The following PDE4B variants were observed in gnomAD, a reference collection of about 807,000 sequenced individuals.
PDE4B encodes the protein phosphodiesterase 4B, also known as 3',5'-cyclic-AMP phosphodiesterase 4B.
In PDE4B, 20 loss-of-function variants were observed where a neutral mutation model predicts 82.2. That is an observed-to-expected ratio of 0.24 (90% CI 0.17 to 0.35). PDE4B has a LOEUF of 0.35. PDE4B is among the 10% of genes least tolerant of loss of function. The probability of loss-of-function intolerance (pLI) is 1.00; values close to 1 mark genes in which losing one functional copy is unlikely to be tolerated. For synonymous variants in PDE4B, 320 were observed against 318.9 expected (o/e 1.00, Z -0.04); for missense variants, 655 against 907.2 (o/e 0.72, Z 3.57).
intron 3 of PDE4B, among the ~76,000 whole-genome samples, chr1:66,105,404 G>A (rs1356745126): frequency 6.6e-6 from 1 of 151,942 alleles, no homozygotes; most frequent in Non-Finnish European, 1.5e-5. Flanking sequence ...TTTGGCTTAG[G>A]ATTGACTTGG....
chr1:66,046,364 C>G (rs1055539302), intron 3 of PDE4B: 1 of 151,682 alleles, frequency 6.6e-6, no homozygotes, highest in African/African-American at 2.4e-5. Flanking sequence ...AATAAAATGA[C>G]AAGCCACAAA....
intron 3 of PDE4B, among the ~76,000 whole-genome samples, chr1:66,075,872 C>T (rs191169098): frequency 6.0e-5 from 9 of 150,938 alleles, no homozygotes; most frequent in East Asian, 1.9e-4. Context: ...TTTTTAATGC[C>T]GGCAACTCAT....
chr1:65,813,093 G>A (rs1047353280), intron 1 of PDE4B, among the ~76,000 whole-genome samples: 2 of 152,184 alleles, frequency 1.3e-5, no homozygotes, highest in South Asian at 4.1e-4. Context: ...AGGGAGTTCA[G>A]GAATGAGGTA....
At chr1:65,965,672 A>G (rs1649780460) in intron 3 of PDE4B, among the ~76,000 whole-genome samples, 1 of 152,142 alleles carries the variant, frequency 6.6e-6, no homozygotes, top group South Asian at 2.1e-4. Context: ...GTAAAACAAA[A>G]ATTACATTTT....
chr1:65,899,668 T>TTA (rs888862644), intron 1 of PDE4B, among the ~76,000 whole-genome samples: 27 of 147,488 alleles, frequency 1.8e-4, no homozygotes, highest in East Asian at 3.9e-4. Flanking sequence ...ATATTCCATT[T>TTA]TATATATATA....
In PDE4B at chr1:66,124,603, C is replaced by CT. The variant is rs1363170487; in HGVS notation, c.282-122854dup. Among the ~76,000 whole-genome samples, 4 of 152,276 alleles carry CT rather than the reference C, an allele frequency of 2.6e-5. No homozygotes were observed. The East Asian group carries it at 7.7e-4, about 29-fold the overall frequency. ...GACTTTTTAATGGCTGAACTAGACT[C>CT]TTTCAATATATCATCCCCCATATTT... On this transcript the variant is annotated intron_variant, in intron 3 of 16. Coordinates refer to ENST00000341517, the MANE Select transcript of PDE4B (RefSeq NM_002600.4).
chr1:66,068,779 G>A (rs573907806), intron 3 of PDE4B, among the ~76,000 whole-genome samples: 73 of 152,000 alleles, frequency 4.8e-4, no homozygotes, highest in African/African-American at 1.8e-3. Context: ...TCATGGAAAA[G>A]GAAGATCCAA....
intron 7 of PDE4B, among the ~76,000 whole-genome samples, chr1:66,270,386 C>T (rs1049485539): frequency 3.9e-5 from 6 of 152,152 alleles, no homozygotes; most frequent in Admixed American, 2.6e-4. Context: ...ACTATCCCTC[C>T]GGAGGTTCAT....
intron 1 of PDE4B, among the ~76,000 whole-genome samples, chr1:65,837,932 C>G (rs901862588): frequency 6.6e-6 from 1 of 152,132 alleles, no homozygotes; most frequent in African/African-American, 2.4e-5. Flanking sequence ...TTGTTCCCCT[C>G]TATGTGTCCC....
Position 66,328,909 on chromosome 1 carries a change from G to A in PDE4B, c.635-3599G>A, listed in dbSNP as rs1377294953. ...GAACCTCTTGTCCACCCCTGTTTCA[G>A]GTACCCAGCATGTCCCTGCTAAGAG... On this transcript the variant is annotated intron_variant, in intron 7 of 16. Transcript: ENST00000341517. 2.6e-5 allele frequency among the ~76,000 whole-genome samples: 4 copies of A among 152,322 alleles called. No homozygotes were observed. The East Asian group carries it at 7.7e-4, about 29-fold the overall frequency.
intron 1 of PDE4B, among the ~76,000 whole-genome samples, chr1:65,911,539 C>T (rs1158559549): frequency 6.6e-6 from 1 of 151,430 alleles, no homozygotes; most frequent in Non-Finnish European, 1.5e-5. Context: ...TCAGGTTTAA[C>T]CCTAACTATA....
chr1:65,808,729 T>C (rs1364793359), intron 1 of PDE4B, among the ~76,000 whole-genome samples: 1 of 152,182 alleles, frequency 6.6e-6, no homozygotes, highest in Non-Finnish European at 1.5e-5. Flanking sequence ...TTTAATAGCA[T>C]TGGAAAGCAT....
At chr1:66,138,387 C>T (rs897550814) in intron 3 of PDE4B, among the ~76,000 whole-genome samples, 5 of 152,004 alleles carry the variant, frequency 3.3e-5, no homozygotes, top group Non-Finnish European at 4.4e-5. Flanking sequence ...GGCATGGTGG[C>T]GGGCACCTGT....
At chr1:66,183,379 G>C (rs1006468627) in intron 3 of PDE4B, among the ~76,000 whole-genome samples, 8 of 152,152 alleles carry the variant, frequency 5.3e-5, no homozygotes, top group Admixed American at 5.2e-4. Flanking sequence ...ATACAGCTGA[G>C]CATTAATGAT....
At chr1:65,963,606 C>T (rs1397258693) in intron 3 of PDE4B, among the ~76,000 whole-genome samples, 2 of 152,180 alleles carry the variant, frequency 1.3e-5, no homozygotes, top group African/African-American at 4.8e-5. Flanking sequence ...CATCCCCTGT[C>T]AAGTTCTAGG....
intron 3 of PDE4B, among the ~76,000 whole-genome samples, chr1:65,939,833 C>T (rs780831530): frequency 2.0e-5 from 3 of 152,110 alleles, no homozygotes; most frequent in African/African-American, 4.8e-5. Context: ...GGCACTTACA[C>T]GTGGGAGTGC....
chr1:65,929,473 T>C (rs895697546), intron 3 of PDE4B, among the ~76,000 whole-genome samples: 1 of 152,238 alleles, frequency 6.6e-6, no homozygotes, highest in African/African-American at 2.4e-5. Context: ...AGGCTGTGCA[T>C]GCACCTTCTG....
intron 3 of PDE4B, among the ~76,000 whole-genome samples, chr1:65,971,528 A>T (rs544581430): frequency 4.6e-5 from 7 of 152,268 alleles, no homozygotes; most frequent in South Asian, 2.1e-4. Flanking sequence ...ACCTTATATG[A>T]CTTTAATAAA....
At chr1:66,019,356 C>CTTTTTTTT (rs4071540) in intron 3 of PDE4B, among the ~76,000 whole-genome samples, 1 of 124,742 alleles carries the variant, frequency 8.0e-6, no homozygotes. Flanking sequence ...TATTGTTATT[C>CTTTTTTTT]TTTTTTTTTT....
Sources: gnomAD v4.1 joint callset for allele counts (sites outside exome capture counted in the v4.1 genomes callset) on GRCh38, gnomAD v4.1.1 for gene constraint, MANE v1.5 for transcripts, NCBI Gene and HGNC (gene_info 2026-07-23, HGNC 2026-07-21) for gene names.